WLS: variants seen among roughly 807,000 people sequenced by gnomAD.
WLS encodes the protein protein wntless homolog.
In WLS, 23 loss-of-function variants were observed where a neutral mutation model predicts 62.8. The ratio of observed to expected loss-of-function variants is 0.37; its 90% confidence interval spans 0.26 to 0.52. WLS has a LOEUF of 0.52. Among genes scored for constraint, WLS ranks in the 20% least tolerant of loss-of-function variants. The pLI, the probability that WLS is intolerant of heterozygous loss-of-function variation, is 0.92. For synonymous variants in WLS, 246 were observed against 244.1 expected (o/e 1.01, Z -0.07); for missense variants, 615 against 697.3 (o/e 0.88, Z 1.33).
At chr1:68,181,162 CAT>C (rs10535807) in intron 2 of WLS, among the ~76,000 whole-genome samples, 32,491 of 151,962 alleles carry the variant, frequency 0.21, 3,558 homozygotes, top group East Asian at 0.37. Context: ...GTGAATTCCC[CAT>C]AAAAGAACCT....
downstream of WLS, among the ~76,000 whole-genome samples, chr1:68,123,138 G>T (rs887159365): frequency 1.7e-4 from 26 of 152,014 alleles, no homozygotes; most frequent in African/African-American, 6.3e-4. Context: ...GCTCTTCTCG[G>T]AGCAACCATT....
At chr1:68,135,177 A>G (rs1432389951) in intron 11 of WLS, among the ~76,000 whole-genome samples, 2 of 151,910 alleles carry the variant, frequency 1.3e-5, no homozygotes, top group Admixed American at 6.6e-5. Flanking sequence ...TCCTCTATCT[A>G]TCACCCAGGT....
chr1:68,221,137 A>G (rs1287527418), intron 1 of WLS, among the ~76,000 whole-genome samples: 1 of 152,224 alleles, frequency 6.6e-6, no homozygotes, highest in Non-Finnish European at 1.5e-5. Flanking sequence ...TTACCCAGAA[A>G]TACCACATTC....
intron 1 of WLS, among the ~76,000 whole-genome samples, chr1:68,207,337 T>C (rs747046099): frequency 4.7e-4 from 71 of 152,214 alleles, no homozygotes; most frequent in Non-Finnish European, 8.5e-4. Context: ...CTCTATTTTT[T>C]AGGATGATAG....
intron 2 of WLS, among the ~76,000 whole-genome samples, chr1:68,188,426 C>T (rs191944129): frequency 1.3e-3 from 197 of 152,318 alleles, no homozygotes; most frequent in Non-Finnish European, 2.3e-3. Flanking sequence ...TGTAAATATA[C>T]TGCGTAATCT....
intron 10 of WLS, 102 bp downstream of exon 10, chr1:68,144,467 G>T: frequency 8.8e-7 from 1 of 1,130,566 alleles, no homozygotes; most frequent in East Asian, 2.5e-5. Context: ...CCAGAATTAT[G>T]GCCTCTCTCC....
At chr1:68,137,258 A>T (rs1177948889) in intron 11 of WLS, among the ~76,000 whole-genome samples, 1 of 107,712 alleles carries the variant, frequency 9.3e-6, no homozygotes, top group Non-Finnish European at 1.9e-5. Context: ...AGCAGCACAT[A>T]CCAGCACTAA....
chr1:68,230,570 CGT>C (rs112351005), intron 1 of WLS, among the ~76,000 whole-genome samples: 2 of 118,584 alleles, frequency 1.7e-5, no homozygotes, highest in African/African-American at 3.0e-5. Flanking sequence ...AAAGCCAACC[CGT>C]GTGTGTGTGT....
At chr1:68,216,247 G>T (rs1649722514) in intron 1 of WLS, among the ~76,000 whole-genome samples, 1 of 152,118 alleles carries the variant, frequency 6.6e-6, no homozygotes, top group South Asian at 2.1e-4. Context: ...CACAAACATA[G>T]CTACTGCCTT....
chr1:68,154,339 T>A (rs964413395), intron 4 of WLS, among the ~76,000 whole-genome samples: 1 of 152,228 alleles, frequency 6.6e-6, no homozygotes, highest in African/African-American at 2.4e-5. Flanking sequence ...AGCTTTTCAT[T>A]AGAAAGTTGC....
In WLS at chr1:68,125,651, C is replaced by G. The variant is rs1013566608; in HGVS notation, c.*575G>C. On this transcript the variant is annotated 3_prime_UTR_variant, in exon 12 of 12. Transcript: ENST00000262348. ...ATACCCCTGGTGGAATAAATCTTCT[C>G]ATGAAATTCAGTTATATTATGCCAC... 5.1e-6 allele frequency: 5 copies of G among 985,390 alleles called. No homozygotes were observed. The highest frequency in any genetic ancestry group is 6.0e-6 in the Non-Finnish European group (5 of 830,044). 61.0% of individuals were successfully genotyped at this position (985,390 alleles called of 1,614,324 possible).
chr1:68,208,472 G>T (rs938526804), intron 1 of WLS, among the ~76,000 whole-genome samples: 1 of 152,272 alleles, frequency 6.6e-6, no homozygotes, highest in East Asian at 1.9e-4. Flanking sequence ...AGAGGGGGGC[G>T]GTTTACCAGC....
At chr1:68,157,909 A>G (rs545103625) in intron 3 of WLS, among the ~76,000 whole-genome samples, 2 of 152,340 alleles carry the variant, frequency 1.3e-5, no homozygotes, top group East Asian at 3.9e-4. Flanking sequence ...ATGTTCAACC[A>G]GTATTTCAAA....
intron 1 of WLS, among the ~76,000 whole-genome samples, chr1:68,211,194 C>G (rs1258729649): frequency 6.6e-6 from 1 of 151,982 alleles, no homozygotes; most frequent in East Asian, 1.9e-4. Context: ...ATGGAGAGGA[C>G]AGGTCTAAAC....
intron 1 of WLS, among the ~76,000 whole-genome samples, chr1:68,230,082 G>A (rs1184230710): frequency 6.6e-6 from 1 of 152,130 alleles, no homozygotes; most frequent in Non-Finnish European, 1.5e-5. Flanking sequence ...AGCCACTCAC[G>A]AGTGCCCTTA....
chr1:68,144,908 C>T (rs1399404717), intron 9 of WLS, among the ~76,000 whole-genome samples: 4 of 152,156 alleles, frequency 2.6e-5, no homozygotes, highest in South Asian at 2.1e-4. Context: ...ATTCACAACA[C>T]GTCGTGAGGC....
At chr1:68,215,322 A>G (rs1010761690) in intron 1 of WLS, among the ~76,000 whole-genome samples, 4 of 152,356 alleles carry the variant, frequency 2.6e-5, no homozygotes, top group Admixed American at 2.0e-4. Context: ...CGCAAGTCAT[A>G]TAAAAATATA....
At chr1:68,125,026 G>A (rs1461411039), downstream of WLS, among the ~76,000 whole-genome samples, 1 of 152,192 alleles carries the variant, frequency 6.6e-6, no homozygotes, top group African/African-American at 2.4e-5. Context: ...CCTTCAACAG[G>A]AAACAGTGTT....
At chr1:68,215,187 T>G (rs933597990) in intron 1 of WLS, among the ~76,000 whole-genome samples, 2 of 152,110 alleles carry the variant, frequency 1.3e-5, no homozygotes, top group Admixed American at 6.5e-5. Context: ...GGCGAAACAC[T>G]AGGCAGCCAA....
Sources: allele counts gnomAD v4.1 joint callset (sites outside exome capture counted in the v4.1 genomes callset), GRCh38; gene constraint gnomAD v4.1.1; transcripts MANE v1.5; gene names NCBI Gene and HGNC (gene_info 2026-07-23, HGNC 2026-07-21).